SGCZ: variants seen among roughly 807,000 people sequenced by gnomAD.
SGCZ encodes sarcoglycan zeta.
Under a neutral mutation model 41.3 loss-of-function variants are expected in SGCZ, and 40 were observed. The observed-to-expected ratio is 0.97, with a 90% confidence interval of 0.75 to 1.26. SGCZ has a LOEUF of 1.26. Ranked by LOEUF, SGCZ falls within the 50% of genes most tolerant of loss-of-function variation. SGCZ has a pLI of 0.00. For missense variants in SGCZ, 552 were observed against 369.8 expected (o/e 1.49, Z -4.04); for synonymous variants, 206 against 137.5 (o/e 1.50, Z -3.49).
At chr8:15,023,960 G>A (rs1803352814) in intron 1 of SGCZ, among the ~76,000 whole-genome samples, 1 of 152,182 alleles carries the variant, frequency 6.6e-6, no homozygotes, top group African/African-American at 2.4e-5. Context: ...GAAGATTATG[G>A]AGTGCAGAAT....
chr8:15,157,990 T>C (rs1347054995), intron 1 of SGCZ, among the ~76,000 whole-genome samples: 2 of 152,138 alleles, frequency 1.3e-5, no homozygotes, highest in East Asian at 3.9e-4. Context: ...TGTCCTCACT[T>C]TTGTTTTGCT....
chr8:15,231,747 G>A (rs567071371), intron 1 of SGCZ, among the ~76,000 whole-genome samples: 1 of 146,504 alleles, frequency 6.8e-6, no homozygotes, highest in Non-Finnish European at 1.5e-5. Flanking sequence ...TCAACCTCCC[G>A]AGTAGCTGGG....
chr8:15,201,458 T>C (rs545048403), intron 1 of SGCZ, among the ~76,000 whole-genome samples: 1 of 152,346 alleles, frequency 6.6e-6, no homozygotes, highest in Non-Finnish European at 1.5e-5. Flanking sequence ...TTATGTCCTT[T>C]CACTTCACAG....
At chr8:14,680,054 T>G (rs118012683) in intron 1 of SGCZ, among the ~76,000 whole-genome samples, 2,227 of 152,208 alleles carry the variant, frequency 0.015, 24 homozygotes, top group Non-Finnish European at 0.018. Flanking sequence ...TCCATAATAT[T>G]TGCACAATGA....
intron 1 of SGCZ, among the ~76,000 whole-genome samples, chr8:14,638,442 A>G (rs75660738): frequency 0.11 from 16,892 of 151,866 alleles, 1,132 homozygotes; most frequent in African/African-American, 0.2. Context: ...CTTAAAATTA[A>G]AGCCAGTATA....
At chr8:15,085,162 G>C (rs1805902979) in intron 1 of SGCZ, among the ~76,000 whole-genome samples, 1 of 152,098 alleles carries the variant, frequency 6.6e-6, no homozygotes, top group Non-Finnish European at 1.5e-5. Flanking sequence ...GCCAATAGGA[G>C]GTGCAGCTAA....
At chr8:14,371,519 A>AT (rs989935125) in intron 2 of SGCZ, among the ~76,000 whole-genome samples, 2 of 143,704 alleles carry the variant, frequency 1.4e-5, no homozygotes, top group Admixed American at 1.4e-4. Flanking sequence ...GTATGTAAAT[A>AT]TAAAAAAAAG....
chr8:14,355,368 T>A (rs1803256565), intron 2 of SGCZ, among the ~76,000 whole-genome samples: 1 of 152,136 alleles, frequency 6.6e-6, no homozygotes, highest in Non-Finnish European at 1.5e-5. Context: ...CAGTAGTAGC[T>A]AGATTGATTT....
In SGCZ at chr8:14,771,526, C is replaced by A. The variant is rs527312670; in HGVS notation, c.40-216600G>T. Among the ~76,000 whole-genome samples, 3 of 152,144 alleles carry A rather than the reference C, an allele frequency of 2.0e-5. No individual in the cohort carries two copies. In the South Asian group the frequency reaches 6.2e-4, roughly 32 times the overall value. On this transcript the variant is annotated intron_variant, in intron 1 of 7. Coordinates refer to ENST00000382080, the MANE Select transcript of SGCZ (RefSeq NM_139167.4). ...TTCCATATCACATTGACTATGTCAA[C>A]TTAATCTAGGTTATTTTTTAACTTC...
intron 1 of SGCZ, among the ~76,000 whole-genome samples, chr8:14,867,934 C>T (rs1428165022): frequency 6.7e-6 from 1 of 149,914 alleles, no homozygotes; most frequent in Non-Finnish European, 1.5e-5. Flanking sequence ...AAAAAAAAGC[C>T]TGAAGAAGGC....
chr8:14,824,159 G>T (rs896584726), intron 1 of SGCZ, among the ~76,000 whole-genome samples: 6 of 152,010 alleles, frequency 3.9e-5, no homozygotes, highest in Admixed American at 6.6e-5. Flanking sequence ...ATGGGTTGAA[G>T]GAATAAATTC....
At chr8:14,185,453 T>G (rs1167581542) in intron 4 of SGCZ, among the ~76,000 whole-genome samples, 2 of 152,110 alleles carry the variant, frequency 1.3e-5, no homozygotes, top group African/African-American at 2.4e-5. Flanking sequence ...GCTTTCATTC[T>G]CATTACTCAG....
intron 1 of SGCZ, among the ~76,000 whole-genome samples, chr8:15,017,892 G>T (rs1019605006): frequency 6.6e-6 from 1 of 152,036 alleles, no homozygotes; most frequent in African/African-American, 2.4e-5. Flanking sequence ...TTATCTCTTT[G>T]CAATTCAAAA....
chr8:14,522,742 G>T (rs1460452295), intron 2 of SGCZ, among the ~76,000 whole-genome samples: 4 of 150,860 alleles, frequency 2.7e-5, no homozygotes, highest in Non-Finnish European at 5.9e-5. Context: ...TGTTAAAATT[G>T]ATTAAATTCC....
intron 3 of SGCZ, among the ~76,000 whole-genome samples, chr8:14,269,823 C>A (rs1030559060): frequency 6.6e-6 from 1 of 151,986 alleles, no homozygotes; most frequent in East Asian, 1.9e-4. Context: ...AGTCTGCATA[C>A]GTTTTTGCTT....
In SGCZ at chr8:15,224,663, T is replaced by A. The variant is rs148865771; in HGVS notation, c.39+12922A>T. ...ATTATCCAAACGGATTTCTAAAATC[T>A]AACTATATGCTGCTTTCCAGATGTA... On this transcript the variant is annotated intron_variant, in intron 1 of 7. Transcript: ENST00000382080. Among the ~76,000 whole-genome samples the A allele has an allele frequency of 1.1e-4, 16 of 152,280 alleles. No individual in the cohort carries two copies. In the East Asian group the frequency reaches 2.9e-3, roughly 28 times the overall value.
At chr8:15,110,954 A>G (rs1378030910) in intron 1 of SGCZ, among the ~76,000 whole-genome samples, 1 of 152,172 alleles carries the variant, frequency 6.6e-6, no homozygotes, top group African/African-American at 2.4e-5. Context: ...GGCAAAAAAA[A>G]GTGAAACTCC....
chr8:14,590,127 A>G (rs1350259374), intron 1 of SGCZ, among the ~76,000 whole-genome samples: 1 of 152,160 alleles, frequency 6.6e-6, no homozygotes, highest in African/African-American at 2.4e-5. Flanking sequence ...AACAGTAATA[A>G]TCAAGTATTT....
At chr8:14,537,243 C>T (rs1212391125) in intron 2 of SGCZ, among the ~76,000 whole-genome samples, 1 of 151,886 alleles carries the variant, frequency 6.6e-6, no homozygotes, top group Non-Finnish European at 1.5e-5. Context: ...CTTGGGAGCA[C>T]ACATGAACTG....
Sources: allele counts gnomAD v4.1 joint callset (sites outside exome capture counted in the v4.1 genomes callset), GRCh38; gene constraint gnomAD v4.1.1; transcripts MANE v1.5; gene names NCBI Gene and HGNC (gene_info 2026-07-23, HGNC 2026-07-21).